GALNT14: variants seen among roughly 807,000 people sequenced by gnomAD.
The protein encoded by GALNT14 is polypeptide N-acetylgalactosaminyltransferase 14.
GALNT14 carries 60 observed loss-of-function variants against 77.5 expected under a neutral mutation model. That is an observed-to-expected ratio of 0.77 (90% CI 0.63 to 0.96). The LOEUF is 0.96. GALNT14 is among the 40% of genes least tolerant of loss of function. GALNT14 has a pLI of 0.00. For missense variants in GALNT14, 710 were observed against 731.0 expected, an observed-to-expected ratio of 0.97 and a Z score of 0.33; for synonymous variants, 280 against 281.7, an observed-to-expected ratio of 0.99 and a Z score of 0.06.
chr2:31,009,035 C>T (rs1256395210), intron 1 of GALNT14, among the ~76,000 whole-genome samples: 2 of 152,186 alleles, frequency 1.3e-5, no homozygotes, highest in Non-Finnish European at 2.9e-5. Context: ...CCCCGGGCTG[C>T]AGGAGGGGAG....
At chr2:30,974,224 A>G (rs1668513565) in intron 2 of GALNT14, among the ~76,000 whole-genome samples, 1 of 152,134 alleles carries the variant, frequency 6.6e-6, no homozygotes, top group African/African-American at 2.4e-5. Context: ...CCCAGACCCA[A>G]TGTGATTAAA....
At chr2:31,058,778 CTTAT>C (rs913241572) in intron 1 of GALNT14, among the ~76,000 whole-genome samples, 2 of 152,202 alleles carry the variant, frequency 1.3e-5, no homozygotes, top group African/African-American at 4.8e-5. Flanking sequence ...TATTACACTA[CTTAT>C]TTTTTTTGGA....
chr2:31,066,819 G>A (rs1231323601), intron 1 of GALNT14, among the ~76,000 whole-genome samples: 1 of 151,892 alleles, frequency 6.6e-6, no homozygotes, highest in Admixed American at 6.6e-5. Context: ...TCCTGAGCTG[G>A]GCTGCCCTCC....
intron 2 of GALNT14, among the ~76,000 whole-genome samples, chr2:30,988,522 C>G (rs1212437540): frequency 6.6e-6 from 1 of 152,192 alleles, no homozygotes; most frequent in African/African-American, 2.4e-5. Context: ...AAAGTCTCCG[C>G]AGAGCCCGAG....
At chr2:30,969,879 T>C (rs1177717004) in intron 2 of GALNT14, among the ~76,000 whole-genome samples, 1 of 152,124 alleles carries the variant, frequency 6.6e-6, no homozygotes, top group Non-Finnish European at 1.5e-5. Context: ...GCTCTGACCA[T>C]AGCTAACATT....
intron 1 of GALNT14, among the ~76,000 whole-genome samples, chr2:31,052,835 T>C (rs979643580): frequency 6.6e-6 from 1 of 152,156 alleles, no homozygotes; most frequent in African/African-American, 2.4e-5. Context: ...CATGCATTAT[T>C]TGAGATGTGT....
At chr2:31,052,883 G>T (rs1456985209) in intron 1 of GALNT14, among the ~76,000 whole-genome samples, 3 of 152,170 alleles carry the variant, frequency 2.0e-5, no homozygotes, top group African/African-American at 7.2e-5. Context: ...AACCGAAATA[G>T]AACTGGGTGT....
chr2:31,041,103 G>A (rs1223562517), intron 1 of GALNT14, among the ~76,000 whole-genome samples: 2 of 152,146 alleles, frequency 1.3e-5, no homozygotes, highest in Non-Finnish European at 2.9e-5. Context: ...AGTGCAGCAC[G>A]TGTCAATAAT....
At chr2:31,037,110 T>C (rs1672783317) in intron 1 of GALNT14, among the ~76,000 whole-genome samples, 2 of 152,198 alleles carry the variant, frequency 1.3e-5, no homozygotes, top group South Asian at 2.1e-4. Flanking sequence ...TTATTATGCA[T>C]ATGTTGGCAT....
In GALNT14 at chr2:30,912,213, G is replaced by A. The variant is rs753159579; in HGVS notation, c.1500+10C>T. The A allele has an allele frequency of 3.7e-5, 60 of 1,613,834 alleles. No homozygotes were observed. The highest frequency in any genetic ancestry group is 4.9e-5 in the Non-Finnish European group (58 of 1,179,926). On this transcript the variant is annotated intron_variant, in intron 14 of 14. Transcript: ENST00000349752. ...GTTGGCCACATCCCAGGGACCTGCT[G>A]AGCACTTACCTGTCGGTCATCTCCA... is the stretch of plus-strand genomic sequence containing the variant.
At chr2:31,108,006 C>G (rs1405564870) in intron 1 of GALNT14, among the ~76,000 whole-genome samples, 1 of 152,186 alleles carries the variant, frequency 6.6e-6, no homozygotes, top group African/African-American at 2.4e-5. Flanking sequence ...AAACACACAG[C>G]AGATTCTTCA....
chr2:31,137,859 C>A, intron 1 of GALNT14, 99 bp downstream of exon 1: 1 of 1,467,102 alleles, frequency 6.8e-7, no homozygotes, highest in Non-Finnish European at 9.2e-7. Context: ...GCACCCAGAC[C>A]CTCGCCCTGG....
At chr2:31,012,928 G>A (rs1186182349) in intron 1 of GALNT14, among the ~76,000 whole-genome samples, 1 of 151,948 alleles carries the variant, frequency 6.6e-6, no homozygotes, top group Non-Finnish European at 1.5e-5. Flanking sequence ...AGGATTAGAT[G>A]ATTAAATAAA....
intron 1 of GALNT14, among the ~76,000 whole-genome samples, chr2:31,093,643 C>T (rs4561706): frequency 0.059 from 8,924 of 152,262 alleles, 397 homozygotes; most frequent in African/African-American, 0.12. Flanking sequence ...GAATCTATCA[C>T]GCCACTCTGT....
intron 3 of GALNT14, among the ~76,000 whole-genome samples, chr2:30,964,704 G>C (rs758305579): frequency 6.6e-6 from 1 of 152,162 alleles, no homozygotes; most frequent in Non-Finnish European, 1.5e-5. Flanking sequence ...GGAAGCACTG[G>C]GCTAAAAACT....
intron 1 of GALNT14, among the ~76,000 whole-genome samples, chr2:31,090,102 C>T (rs890281142): frequency 6.6e-6 from 1 of 152,226 alleles, no homozygotes; most frequent in Non-Finnish European, 1.5e-5. Flanking sequence ...TCCACCCTCC[C>T]AAGTTCCCAT....
At chr2:31,114,972 C>A (rs1678033753) in intron 1 of GALNT14, 1 of 602,186 alleles carries the variant, frequency 1.7e-6, no homozygotes, top group Non-Finnish European at 3.0e-6. Context: ...CCAGGCCAGG[C>A]ACAGTGGCTC....
intron 6 of GALNT14, among the ~76,000 whole-genome samples, chr2:30,950,275 A>T (rs1217247687): frequency 6.6e-6 from 1 of 152,132 alleles, no homozygotes; most frequent in Non-Finnish European, 1.5e-5. Flanking sequence ...AAATAAGCTT[A>T]TGTTTAAAAA....
chr2:31,010,394 T>C (rs943937269), intron 1 of GALNT14, among the ~76,000 whole-genome samples: 43 of 152,186 alleles, frequency 2.8e-4, no homozygotes, highest in African/African-American at 9.9e-4. Context: ...GGTCAGGAGA[T>C]CCAGACCATC....
Sources: gnomAD v4.1 joint callset for allele counts (sites outside exome capture counted in the v4.1 genomes callset) on GRCh38, gnomAD v4.1.1 for gene constraint, MANE v1.5 for transcripts, NCBI Gene and HGNC (gene_info 2026-07-23, HGNC 2026-07-21) for gene names.